SLC14A2: variants seen among roughly 807,000 people sequenced by gnomAD.
SLC14A2 encodes solute carrier family 14 member 2.
A neutral mutation model predicts 104.6 loss-of-function variants in SLC14A2; 91 were observed. That is an observed-to-expected ratio of 0.87 (90% confidence interval 0.73 to 1.04). The LOEUF (loss-of-function observed/expected upper bound fraction) is 1.04, where lower values mean the gene tolerates loss of function less well. Among genes scored for constraint, SLC14A2 ranks in the 50% least tolerant of loss-of-function variants. The pLI is 0.00. For missense variants in SLC14A2, 1,189 were observed against 1,156.0 expected, an observed-to-expected ratio of 1.03 and a Z score of -0.41; for synonymous variants, 476 against 466.4, an observed-to-expected ratio of 1.02 and a Z score of -0.27.
intron 1 of SLC14A2, among the ~76,000 whole-genome samples, chr18:45,420,668 A>G (rs144856782): frequency 9.8e-4 from 150 of 152,354 alleles, no homozygotes; most frequent in African/African-American, 3.4e-3. Context: ...AAATTCTTTT[A>G]AACATGATTT....
intron 1 of SLC14A2, among the ~76,000 whole-genome samples, chr18:45,445,135 G>A (rs1001642300): frequency 2.3e-5 from 3 of 130,104 alleles, no homozygotes; most frequent in African/African-American, 3.1e-5. Context: ...TTTTTAAGAC[G>A]GAGTCTTGCT....
chr18:45,394,740 T>C (rs1476133125), intron 1 of SLC14A2, among the ~76,000 whole-genome samples: 1 of 152,190 alleles, frequency 6.6e-6, no homozygotes, highest in Non-Finnish European at 1.5e-5. Context: ...TAGGAGTTTC[T>C]TATGTATTTT....
chr18:45,579,543 G>T (rs943489067), intron 2 of SLC14A2, among the ~76,000 whole-genome samples: 3 of 152,200 alleles, frequency 2.0e-5, no homozygotes, highest in Non-Finnish European at 2.9e-5. Flanking sequence ...TAAAGAAAAA[G>T]AAATCTGCAT....
intron 1 of SLC14A2, among the ~76,000 whole-genome samples, chr18:45,231,008 C>T (rs1273921546): frequency 5.3e-5 from 8 of 152,140 alleles, no homozygotes; most frequent in Middle Eastern, 3.4e-3. Flanking sequence ...TTGGCAAGAG[C>T]GCCAAAGGCT....
chr18:45,274,969 G>A (rs917578112), intron 1 of SLC14A2, among the ~76,000 whole-genome samples: 38 of 152,182 alleles, frequency 2.5e-4, no homozygotes, highest in African/African-American at 7.2e-4. Context: ...GTAGAGATGC[G>A]TTGACTGAAT....
intron 1 of SLC14A2, among the ~76,000 whole-genome samples, chr18:45,308,291 T>C (rs2085044371): frequency 6.6e-6 from 1 of 152,178 alleles, no homozygotes; most frequent in Non-Finnish European, 1.5e-5. Context: ...CACCTAAAAA[T>C]TCTCATTTTG....
At chr18:45,319,400 C>G (rs2085162996) in intron 1 of SLC14A2, among the ~76,000 whole-genome samples, 2 of 152,222 alleles carry the variant, frequency 1.3e-5, no homozygotes, top group Admixed American at 6.5e-5. Context: ...AATTCCCTGA[C>G]CTCTACCATA....
intron 1 of SLC14A2, among the ~76,000 whole-genome samples, chr18:45,621,446 C>A (rs936746055): frequency 1.3e-5 from 2 of 152,226 alleles, no homozygotes; most frequent in African/African-American, 4.8e-5. Context: ...GTTCTGCCTG[C>A]AGAAAATGCA....
Position 45,227,224 on chromosome 18 carries a change from T to A in SLC14A2, c.-125+14033T>A, listed in dbSNP as rs77827848. On this transcript the variant is annotated intron_variant, in intron 1 of 20. Coordinates refer to the SLC14A2 transcript ENST00000586448. ...TGCAGGAATTTATCTCTCCACACCC[T>A]GCAGTGAAAGGACAGGAATGGCTTT... Among the ~76,000 whole-genome samples, 225 of 152,268 alleles carry A rather than the reference T, an allele frequency of 1.5e-3. 6 individuals are homozygous for A. The East Asian group carries it at 0.039, about 26-fold the overall frequency.
At chr18:45,495,140 G>A (rs556434981) in intron 2 of SLC14A2, among the ~76,000 whole-genome samples, 13 of 152,016 alleles carry the variant, frequency 8.6e-5, no homozygotes, top group African/African-American at 2.4e-4. Context: ...CCTACCTCTC[G>A]GTCAATACTT....
intron 1 of SLC14A2, among the ~76,000 whole-genome samples, chr18:45,234,783 C>T (rs542790872): frequency 6.6e-6 from 1 of 152,310 alleles, no homozygotes; most frequent in Admixed American, 6.5e-5. Flanking sequence ...GAACCAAACT[C>T]TATTTCTAAT....
At chr18:45,203,353 C>A in the SLC14A2 span, among the ~76,000 whole-genome samples, 1 of 152,220 alleles carries the variant, frequency 6.6e-6, no homozygotes, top group Admixed American at 6.5e-5. Context: ...CTACTCTTCT[C>A]AAAACCATCA....
Position 45,644,113 on chromosome 18 carries a change from TCTA to T in SLC14A2, c.1309_1311del (p.Tyr437del). The T allele has an allele frequency of 6.2e-7, 1 of 1,614,198 alleles. No individual in the cohort carries two copies. Among genetic ancestry groups the T allele is most frequent in the South Asian group, 1.1e-5 (1 of 91,080 alleles). ...GTCACCTACCCCGAGGCCAACCGCA[TCTA>T]CTACCTGACAGTGAAAAGCGGTGAA... On this transcript the variant is annotated inframe_deletion, in exon 10 of 20. Transcript: ENST00000255226.
chr18:45,677,890 T>C (rs548727091), intron 18 of SLC14A2, among the ~76,000 whole-genome samples: 1 of 152,336 alleles, frequency 6.6e-6, no homozygotes, highest in African/African-American at 2.4e-5. Context: ...ATGATCATAG[T>C]TCATTGCAGC....
chr18:45,448,989 T>C (rs1333150526), intron 1 of SLC14A2, among the ~76,000 whole-genome samples: 1 of 152,166 alleles, frequency 6.6e-6, no homozygotes, highest in Non-Finnish European at 1.5e-5. Flanking sequence ...ACAGAGCAGA[T>C]GGGCATGTGG....
chr18:45,188,237 G>A, the SLC14A2 span, among the ~76,000 whole-genome samples: 1 of 152,084 alleles, frequency 6.6e-6, no homozygotes, highest in South Asian at 2.1e-4. Context: ...AACTTTGTGG[G>A]CAACTGAAAG....
chr18:45,526,630 G>T (rs914967810), intron 2 of SLC14A2, among the ~76,000 whole-genome samples: 4 of 152,152 alleles, frequency 2.6e-5, no homozygotes, highest in Non-Finnish European at 2.9e-5. Flanking sequence ...GTCAGTGAGG[G>T]ATCATAGGGT....
intron 7 of SLC14A2, among the ~76,000 whole-genome samples, 158 bp from the exon 8 acceptor site, chr18:45,641,051 A>C (rs1431855558): frequency 6.6e-6 from 1 of 152,178 alleles, no homozygotes; most frequent in Non-Finnish European, 1.5e-5. Context: ...AGGTCTCCTA[A>C]GACCGGATGC....
At chr18:45,272,910 T>A (rs1359289664) in intron 1 of SLC14A2, among the ~76,000 whole-genome samples, 1 of 152,074 alleles carries the variant, frequency 6.6e-6, no homozygotes, top group Non-Finnish European at 1.5e-5. Context: ...AAAATTTTTT[T>A]AAAATAAAAG....
Sources: gnomAD v4.1 joint callset for allele counts (sites outside exome capture counted in the v4.1 genomes callset) on GRCh38, gnomAD v4.1.1 for gene constraint, MANE v1.5 for transcripts, NCBI Gene and HGNC (gene_info 2026-07-23, HGNC 2026-07-21) for gene names.